The following ARFGEF1 variants were observed in gnomAD, a reference collection of about 807,000 sequenced individuals.
The protein encoded by ARFGEF1 is ARF guanine nucleotide exchange factor 1, also known as brefeldin A-inhibited guanine nucleotide-exchange protein 1.
A neutral mutation model predicts 231.0 loss-of-function variants in ARFGEF1; 42 were observed. The observed-to-expected ratio is 0.18, with a 90% CI of 0.14 to 0.24. The LOEUF (loss-of-function observed/expected upper bound fraction) is 0.24, where lower values mean the gene tolerates loss of function less well. Among genes scored for constraint, ARFGEF1 ranks in the 10% least tolerant of loss-of-function variants. The probability of loss-of-function intolerance (pLI) is 1.00; values close to 1 mark genes in which losing one functional copy is unlikely to be tolerated. For missense variants in ARFGEF1, 1,345 were observed against 2,192.0 expected (o/e 0.61, Z 7.72); for synonymous variants, 710 against 732.3 (o/e 0.97, Z 0.49).
At chr8:67,338,274 A>C (rs1226258155) in intron 1 of ARFGEF1, among the ~76,000 whole-genome samples, 1 of 151,960 alleles carries the variant, frequency 6.6e-6, no homozygotes, top group East Asian at 1.9e-4. Context: ...AGGTTTGTGC[A>C]CTGATTTCCC....
intron 5 of ARFGEF1, among the ~76,000 whole-genome samples, chr8:67,189,061 A>C (rs552203945): frequency 1.3e-5 from 2 of 152,330 alleles, no homozygotes; most frequent in South Asian, 4.1e-4. Context: ...AATGTAAATT[A>C]AAATGAGATA....
intron 7 of ARFGEF1, among the ~76,000 whole-genome samples, chr8:67,281,389 C>G (rs1003890430): frequency 2.0e-5 from 3 of 151,968 alleles, no homozygotes; most frequent in African/African-American, 2.4e-5. Context: ...AAAATTCATA[C>G]CCATGCACAC....
intron 29 of ARFGEF1, among the ~76,000 whole-genome samples, chr8:67,224,528 A>G (rs1266957540): frequency 6.6e-6 from 1 of 152,222 alleles, no homozygotes; most frequent in African/African-American, 2.4e-5. Context: ...AAACCCAGCA[A>G]GGATGTGCAG....
chr8:67,282,647 A>G (rs1437422692), intron 7 of ARFGEF1, among the ~76,000 whole-genome samples: 2 of 152,052 alleles, frequency 1.3e-5, no homozygotes, highest in Non-Finnish European at 2.9e-5. Flanking sequence ...GTAGTTCAAG[A>G]CCAGCCTGGC....
Position 67,211,627 on chromosome 8 carries a change from A to T in ARFGEF1, c.4687-12T>A. 1 of 1,397,476 alleles carries T rather than the reference A, an allele frequency of 7.2e-7. No individual in the cohort carries two copies. Among genetic ancestry groups the T allele is most frequent in the Non-Finnish European group, 9.5e-7 (1 of 1,048,874 alleles). 86.6% of individuals were successfully genotyped at this position (1,397,476 alleles called of 1,614,324 possible). A position where few individuals can be genotyped will look rare whatever the true frequency, so the allele number is the denominator to read the frequency against. On this transcript the variant is annotated splice_polypyrimidine_tract_variant and intron_variant, in intron 33 of 38. Transcript: ENST00000262215. ...TGTGATATTGTATCCTAATAAATAA[A>T]AAAAAAATCACTGTAAGTATGGTTA...
intron 5 of ARFGEF1, among the ~76,000 whole-genome samples, chr8:67,186,998 T>C (rs547753195): frequency 6.7e-6 from 1 of 150,318 alleles, no homozygotes; most frequent in Non-Finnish European, 1.5e-5. Flanking sequence ...TCTATCTATC[T>C]ATCTATCTAT....
chr8:67,204,703 C>T lies in ARFGEF1; in HGVS notation c.4936G>A (p.Ala1646Thr). Residue 1646 changes from alanine to threonine, a missense_variant, in exon 35 of 39, where the codon GCA (alanine) becomes ACA (threonine). By Grantham distance (58) the Ala-to-Thr change is moderately conservative. Around this residue, in one of 14 missense-constraint regions of ARFGEF1, gnomAD observed 161 missense variants for 284.9 expected, o/e 0.57. Coordinates refer to ENST00000262215, the MANE Select transcript of ARFGEF1 (RefSeq NM_006421.5). ...FFPATSKKEDAENLAAAQRDA... is the reference protein window; with the variant it reads ...FFPATSKKEDTENLAAAQRDA... ...ACCTGTGCTGCAGCTAAGTTTTCTG[C>T]ATCTTCTTTCTTACTTGTGGCTGGG... is the stretch of plus-strand genomic sequence containing the variant. The T allele has an allele frequency of 1.2e-6, 2 of 1,613,700 alleles. No individual in the cohort carries two copies. Among genetic ancestry groups the T allele is most frequent in the Non-Finnish European group, 8.5e-7 (1 of 1,179,870 alleles).
intron 33 of ARFGEF1, among the ~76,000 whole-genome samples, chr8:67,212,334 C>T (rs1233576650): frequency 1.3e-5 from 2 of 152,192 alleles, no homozygotes; most frequent in Admixed American, 6.5e-5. Flanking sequence ...CTGCCTGCCT[C>T]GGCCTCCCAA....
chr8:67,324,375 C>G (rs1271434846), intron 1 of ARFGEF1, among the ~76,000 whole-genome samples: 1 of 152,208 alleles, frequency 6.6e-6, no homozygotes, highest in Non-Finnish European at 1.5e-5. Context: ...CACAGTCATA[C>G]TGAACTCCCT....
chr8:67,230,837 G>T (rs1839530700), intron 23 of ARFGEF1, among the ~76,000 whole-genome samples: 1 of 151,978 alleles, frequency 6.6e-6, no homozygotes, highest in Admixed American at 6.6e-5. Context: ...GTTATTCCCA[G>T]ATTGAAGGGC....
At chr8:67,236,342 TATTAGTTAAAAAAAAAAAAAAAA>T (rs1839740155) in intron 22 of ARFGEF1, among the ~76,000 whole-genome samples, 1 of 34,220 alleles carries the variant, frequency 2.9e-5, no homozygotes, top group African/African-American at 1.4e-4. Flanking sequence ...AAAAAAAAGA[TATTAGTTAAAAAAAAAAAAAAAA>T]ATATATATAT....
chr8:67,243,452 T>C (rs947508943), intron 19 of ARFGEF1, among the ~76,000 whole-genome samples: 1 of 152,136 alleles, frequency 6.6e-6, no homozygotes, highest in Admixed American at 6.5e-5. Context: ...CCATCGGCTC[T>C]CATGAGACTC....
chr8:67,250,977 G>C, intron 19 of ARFGEF1, among the ~76,000 whole-genome samples: 1 of 152,178 alleles, frequency 6.6e-6, no homozygotes, highest in East Asian at 1.9e-4. Flanking sequence ...TTTGAAATGT[G>C]AGTTAACTCC....
intron 6 of ARFGEF1, among the ~76,000 whole-genome samples, chr8:67,291,304 TA>T (rs1319783996): frequency 2.0e-5 from 3 of 152,062 alleles, no homozygotes; most frequent in South Asian, 2.1e-4. Flanking sequence ...AATATACACT[TA>T]AAAAATCAGA....
In ARFGEF1 at chr8:67,343,192, C is replaced by A. The variant is rs1808736221; in HGVS notation, c.96G>T (p.Gln32His). 6.2e-7 allele frequency: 1 copy of A among 1,612,716 alleles called. No individual in the cohort carries two copies. The highest frequency in any genetic ancestry group is 1.3e-5 in the African/African-American group (1 of 74,838). Residue 32 changes from glutamine (Q) to histidine (H), a missense_variant, in exon 1 of 39, where the codon CAG becomes CAT. By Grantham distance (24) the Gln-to-His change is conservative (BLOSUM62 0). Transcript: ENST00000262215. ...DKEVKKAHHS[Q>H]LRKACEVALE... is the part of the protein sequence containing the mutation. ...ACGCCACCTCGCAAGCTTTGCGCAG[C>A]TGGGAGTGATGCGCCTTCTTCACTT...
At chr8:67,180,015 CAAGGTAGTAAAAAAAA>C in intron 5 of ARFGEF1, 4 of 609,982 alleles carry the variant, frequency 6.6e-6, no homozygotes, top group South Asian at 2.4e-5. Context: ...CCTTGTTGTA[CAAGGTAGTAAAAAAAA>C]AAAAAGGAAT....
intron 1 of ARFGEF1, among the ~76,000 whole-genome samples, chr8:67,306,566 G>A (rs753393200): frequency 6.9e-6 from 1 of 145,098 alleles, no homozygotes; most frequent in Non-Finnish European, 1.5e-5. Flanking sequence ...TTTTTCCACT[G>A]ACAGTACAAA....
chr8:67,228,313 A>G (rs1479567641), intron 23 of ARFGEF1, 49 bp from the exon 24 acceptor site: 1 of 1,538,804 alleles, frequency 6.5e-7, no homozygotes, highest in Admixed American at 1.9e-5. Context: ...TACTGTTCTT[A>G]TTCCAATTGA....
intron 22 of ARFGEF1, among the ~76,000 whole-genome samples, chr8:67,234,798 T>C (rs1391636758): frequency 6.6e-6 from 1 of 151,982 alleles, no homozygotes. Flanking sequence ...GGAAAAAATA[T>C]TGAAATCAGA....
Sources: allele counts gnomAD v4.1 joint callset (sites outside exome capture counted in the v4.1 genomes callset), GRCh38; gene constraint gnomAD v4.1.1; regional missense constraint gnomAD v4.1.1; transcripts MANE v1.5; gene names NCBI Gene and HGNC (gene_info 2026-07-23, HGNC 2026-07-21).